Variants in WDFY4 observed in about 807,000 individuals in gnomAD.
WDFY4 encodes the protein WD repeat- and FYVE domain-containing protein 4.
In WDFY4, 169 loss-of-function variants were observed where a neutral mutation model predicts 351.9. The observed-to-expected ratio is 0.48, with a 90% CI of 0.42 to 0.55. WDFY4 has a LOEUF of 0.55. WDFY4 is among the 20% of genes least tolerant of loss of function. WDFY4 has a pLI of 0.00. For synonymous variants in WDFY4, 1,622 were observed against 1,574.6 expected (o/e 1.03, Z -0.71); for missense variants, 3,803 against 3,935.6 (o/e 0.97, Z 0.90).
Position 48,963,838 on chromosome 10 carries a change from C to T in WDFY4, c.8224-4C>T, listed in dbSNP as rs746543244. Reference sequence around the variant, plus strand: ...TTTTAATGCTCTTTGGGTTTTTGTTCCAGGCCCTGGAAAGTGACTTTGTCA... The same window carrying T: ...TTTTAATGCTCTTTGGGTTTTTGTTTCAGGCCCTGGAAAGTGACTTTGTCA... On this transcript the variant is annotated splice_polypyrimidine_tract_variant and splice_region_variant and intron_variant, in intron 53 of 61. Transcript: ENST00000325239. The T allele has an allele frequency of 1.3e-6, 2 of 1,551,316 alleles. No individual in the cohort carries two copies. Among genetic ancestry groups the T allele is most frequent in the South Asian group, 2.4e-5 (2 of 84,032 alleles).
chr10:48,913,574 C>A, intron 47 of WDFY4: 1 of 1,614,122 alleles, frequency 6.2e-7, no homozygotes, highest in South Asian at 1.1e-5. Context: ...AGTTCTCCAG[C>A]CTCCTGATGG....
At chr10:48,845,187 A>T (rs2068735034) in intron 39 of WDFY4, among the ~76,000 whole-genome samples, 1 of 152,202 alleles carries the variant, frequency 6.6e-6, no homozygotes, top group African/African-American at 2.4e-5. Flanking sequence ...ACCAAGCATC[A>T]TTCCAAGTTC....
At chr10:48,872,624 G>A (rs17836494) in intron 40 of WDFY4, among the ~76,000 whole-genome samples, 35,031 of 152,158 alleles carry the variant, frequency 0.23, 5,015 homozygotes, top group East Asian at 0.71. Flanking sequence ...AGTGTATCCT[G>A]CAAAGTTGAC....
intron 39 of WDFY4, among the ~76,000 whole-genome samples, chr10:48,842,218 G>A (rs1027593161): frequency 6.6e-6 from 1 of 151,778 alleles, no homozygotes; most frequent in Admixed American, 6.6e-5. Context: ...TCAGTGTCAG[G>A]GCCTGACTCT....
intron 43 of WDFY4, among the ~76,000 whole-genome samples, chr10:48,886,198 C>A (rs1474542987): frequency 6.6e-6 from 1 of 152,172 alleles, no homozygotes; most frequent in African/African-American, 2.4e-5. Flanking sequence ...GGTATTTCAC[C>A]AAGTTGCAGA....
intron 39 of WDFY4, among the ~76,000 whole-genome samples, chr10:48,848,853 C>T (rs1211936167): frequency 6.6e-6 from 1 of 152,236 alleles, no homozygotes; most frequent in African/African-American, 2.4e-5. Context: ...AGTGCTCGCA[C>T]AGGTGTGGCT....
intron 1 of WDFY4, among the ~76,000 whole-genome samples, chr10:48,685,339 G>T (rs976465458): frequency 2.6e-5 from 4 of 152,200 alleles, no homozygotes; most frequent in Non-Finnish European, 5.9e-5. Flanking sequence ...TGCTATGAAG[G>T]GAACCCTGGG....
At position 48,787,874 on chromosome 10, in the gene WDFY4, CTTTCT is replaced by C. The variant is rs1565198070; in HGVS notation, c.3809-653_3809-649del. Reference sequence around the variant, plus strand: ...TTCTTCTTCTTTCTTCTTCTTTCTTCTTTCTTTCTTCTTCTTCTCCTTCTTCTTCT... The same window carrying C: ...TTCTTCTTCTTTCTTCTTCTTTCTTCTTCTTCTTCTTCTCCTTCTTCTTCT... On this transcript the variant is annotated intron_variant, in intron 20 of 61. Transcript: ENST00000325239. Among the ~76,000 whole-genome samples the C allele has an allele frequency of 1.0e-3, 87 of 86,296 alleles. 2 individuals carry two copies. The highest frequency in any genetic ancestry group is 3.0e-3 in the African/African-American group (48 of 15,834). 56.6% of individuals were successfully genotyped at this position (86,296 alleles called of 152,430 possible). A position where few individuals can be genotyped will look rare whatever the true frequency, so the allele number is the denominator to read the frequency against.
At chr10:48,859,828 T>C (rs922867512) in intron 39 of WDFY4, among the ~76,000 whole-genome samples, 32 of 152,260 alleles carry the variant, frequency 2.1e-4, no homozygotes, top group Non-Finnish European at 3.8e-4. Flanking sequence ...AATATGTGGA[T>C]ATGGCAATTT....
At chr10:48,707,548 T>C (rs1367937905) in intron 1 of WDFY4, among the ~76,000 whole-genome samples, 2 of 152,000 alleles carry the variant, frequency 1.3e-5, no homozygotes, top group African/African-American at 4.8e-5. Flanking sequence ...ACAAGTAAAA[T>C]AGGCATGTGA....
At chr10:48,908,248 C>G (rs910218471) in intron 47 of WDFY4, among the ~76,000 whole-genome samples, 3 of 152,246 alleles carry the variant, frequency 2.0e-5, no homozygotes, top group African/African-American at 7.2e-5. Context: ...TATGCTCCCA[C>G]ACCACCAGGG....
intron 39 of WDFY4, among the ~76,000 whole-genome samples, chr10:48,840,962 A>G (rs763367709): frequency 2.6e-5 from 4 of 152,234 alleles, no homozygotes; most frequent in Non-Finnish European, 4.4e-5. Context: ...CTAATTATCT[A>G]ATTAAGTTCA....
At chr10:48,890,552 C>T (rs746347424) in intron 43 of WDFY4, 27 bp from the exon 44 acceptor site, 24 of 1,551,330 alleles carry the variant, frequency 1.5e-5, no homozygotes, top group South Asian at 1.4e-4. Context: ...CTGTGCACCA[C>T]CTGACTCTGC....
intron 44 of WDFY4, among the ~76,000 whole-genome samples, chr10:48,892,372 A>G (rs915136416): frequency 6.6e-6 from 1 of 152,248 alleles, no homozygotes; most frequent in Non-Finnish European, 1.5e-5. Context: ...GCAATGACAG[A>G]CAAGGGAGAC....
chr10:48,887,834 T>A (rs7098977), intron 43 of WDFY4, among the ~76,000 whole-genome samples: 20,184 of 143,814 alleles, frequency 0.14, 1,481 homozygotes, highest in Middle Eastern at 0.22. Flanking sequence ...AAATGACTTA[T>A]CTGCAAGGAT....
chr10:48,727,293 C>G (rs571160553), intron 6 of WDFY4, among the ~76,000 whole-genome samples, 177 bp from the exon 7 acceptor site: 2 of 152,200 alleles, frequency 1.3e-5, no homozygotes. Flanking sequence ...GTGCAGCTGT[C>G]AGGATGGCAC....
chr10:48,703,549 A>T (rs2063538772), intron 1 of WDFY4, among the ~76,000 whole-genome samples: 1 of 152,194 alleles, frequency 6.6e-6, no homozygotes, highest in African/African-American at 2.4e-5. Context: ...TTTTCTGCAG[A>T]AGGCACTGAG....
intron 46 of WDFY4, 83 bp downstream of exon 46, chr10:48,900,389 A>T: frequency 3.0e-6 from 4 of 1,327,016 alleles, no homozygotes; most frequent in Non-Finnish European, 3.1e-6. Flanking sequence ...CTCTGTGCTC[A>T]GGAAAAGTGT....
chr10:48,760,461 G>A (rs1589539436), intron 13 of WDFY4, 21 bp downstream of exon 13: 2 of 1,550,110 alleles, frequency 1.3e-6, no homozygotes, highest in East Asian at 4.9e-5. Flanking sequence ...TTGAATATGT[G>A]TGTTTTGTCA....
Sources: gnomAD v4.1 joint callset for allele counts (sites outside exome capture counted in the v4.1 genomes callset) on GRCh38, gnomAD v4.1.1 for gene constraint, MANE v1.5 for transcripts, NCBI Gene and HGNC (gene_info 2026-07-23, HGNC 2026-07-21) for gene names.